The following PLCH1 variants were observed in gnomAD, a reference collection of about 807,000 sequenced individuals.
PLCH1 encodes 1-phosphatidylinositol 4,5-bisphosphate phosphodiesterase eta-1.
In PLCH1, 60 loss-of-function variants were observed where a neutral mutation model predicts 126.7. The ratio of observed to expected loss-of-function variants is 0.47; its 90% CI spans 0.38 to 0.59. The LOEUF (loss-of-function observed/expected upper bound fraction) is 0.59, where lower values mean the gene tolerates loss of function less well. Among genes scored for constraint, PLCH1 ranks in the 20% least tolerant of loss-of-function variants. PLCH1 has a pLI of 0.00. For synonymous variants in PLCH1, 719 were observed against 734.9 expected (o/e 0.98, Z 0.35); for missense variants, 1,723 against 2,040.0 (o/e 0.84, Z 2.99).
At chr3:155,511,310 G>A (rs1337168077) in intron 12 of PLCH1, among the ~76,000 whole-genome samples, 17 of 133,776 alleles carry the variant, frequency 1.3e-4, no homozygotes, top group Admixed American at 6.5e-4. Flanking sequence ...ATGTCTTCCC[G>A]TAGCTCAGAG....
chr3:155,567,248 T>C (rs544306035), intron 7 of PLCH1, among the ~76,000 whole-genome samples: 34 of 152,102 alleles, frequency 2.2e-4, no homozygotes, highest in African/African-American at 7.7e-4. Flanking sequence ...AATTTTTGTA[T>C]TTTTAGTAGA....
chr3:155,467,852 G>T (rs1712990377), intron 21 of PLCH1, among the ~76,000 whole-genome samples: 2 of 152,190 alleles, frequency 1.3e-5, no homozygotes, highest in South Asian at 4.1e-4. Flanking sequence ...AAATGTTAAA[G>T]GGAATACTTC....
chr3:155,725,873 G>T (rs1043626795), intron 1 of PLCH1, among the ~76,000 whole-genome samples: 1 of 152,122 alleles, frequency 6.6e-6, no homozygotes, highest in Non-Finnish European at 1.5e-5. Flanking sequence ...TATTTGTCTT[G>T]CCTATTCTCT....
At chr3:155,618,799 G>A (rs1388477587) in intron 2 of PLCH1, among the ~76,000 whole-genome samples, 4 of 152,062 alleles carry the variant, frequency 2.6e-5, no homozygotes. Context: ...AAGAAGTGCT[G>A]AACAATTGCT....
chr3:155,548,004 C>T (rs1391616577), intron 10 of PLCH1, among the ~76,000 whole-genome samples: 1 of 151,518 alleles, frequency 6.6e-6, no homozygotes, highest in African/African-American at 2.4e-5. Flanking sequence ...CTAACCTGCA[C>T]ATTGTGGACA....
chr3:155,674,048 G>A (rs1219740380), intron 2 of PLCH1, among the ~76,000 whole-genome samples: 1 of 152,124 alleles, frequency 6.6e-6, no homozygotes, highest in African/African-American at 2.4e-5. Context: ...CAAGAAAGTA[G>A]TATTATCTCT....
chr3:155,729,173 C>T (rs1230064582), intron 1 of PLCH1, among the ~76,000 whole-genome samples: 1 of 152,216 alleles, frequency 6.6e-6, no homozygotes, highest in Admixed American at 6.5e-5. Context: ...CTGCCAGTCT[C>T]CCCAATTCAT....
At chr3:155,714,550 G>T (rs922415745) in intron 1 of PLCH1, among the ~76,000 whole-genome samples, 5 of 152,148 alleles carry the variant, frequency 3.3e-5, no homozygotes, top group Non-Finnish European at 7.4e-5. Flanking sequence ...AAATAAAAGG[G>T]TACTTTGTTC....
rs373978197 is a variant in PLCH1 at position 155,607,938 on chromosome 3, C to T, written c.80-11560G>A. On this transcript the variant is annotated intron_variant, in intron 2 of 22. Coordinates refer to ENST00000460012, the MANE Select transcript of PLCH1 (RefSeq NM_014996.4). ...GAGTTCACAGATCCTGTGGAAGAAA[C>T]AGCTCACTCTGTAAATTCCACGAGA... is the stretch of plus-strand genomic sequence containing the variant. 3.3e-5 allele frequency among the ~76,000 whole-genome samples: 5 copies of T among 152,232 alleles called. No homozygotes were observed. The South Asian group carries it at 6.2e-4, about 19-fold the overall frequency.
At chr3:155,715,920 T>C (rs1747471193) in intron 1 of PLCH1, among the ~76,000 whole-genome samples, 1 of 152,170 alleles carries the variant, frequency 6.6e-6, no homozygotes, top group East Asian at 1.9e-4. Flanking sequence ...TTGTTTTCTT[T>C]GGGCCTATTT....
intron 10 of PLCH1, among the ~76,000 whole-genome samples, chr3:155,541,342 T>C (rs1181649812): frequency 6.6e-6 from 1 of 152,148 alleles, no homozygotes; most frequent in Non-Finnish European, 1.5e-5. Context: ...AAAAAACTTA[T>C]CCATGTAACC....
intron 8 of PLCH1, among the ~76,000 whole-genome samples, chr3:155,560,692 T>C (rs1560167063): frequency 6.6e-6 from 1 of 152,182 alleles, no homozygotes; most frequent in Non-Finnish European, 1.5e-5. Context: ...AGCAGTCTTA[T>C]CTCATTGTCC....
intron 1 of PLCH1, among the ~76,000 whole-genome samples, chr3:155,708,892 T>G (rs1215896064): frequency 6.6e-6 from 1 of 152,148 alleles, no homozygotes; most frequent in Non-Finnish European, 1.5e-5. Flanking sequence ...TATGGTACCA[T>G]ACAAAATAGT....
intron 21 of PLCH1, 29 bp from the exon 22 acceptor site, chr3:155,485,739 T>A: frequency 7.2e-7 from 1 of 1,395,390 alleles, no homozygotes; most frequent in Non-Finnish European, 9.9e-7. Flanking sequence ...CAACCACAAG[T>A]TAAGCAAATG....
intron 21 of PLCH1, among the ~76,000 whole-genome samples, chr3:155,458,323 C>G (rs1216979341): frequency 9.5e-6 from 1 of 105,482 alleles, no homozygotes; most frequent in East Asian, 3.0e-4. Flanking sequence ...GCCTGGGGAA[C>G]AGAGCAAGAC....
At chr3:155,469,492 C>A (rs1367855881) in intron 21 of PLCH1, among the ~76,000 whole-genome samples, 1 of 147,696 alleles carries the variant, frequency 6.8e-6, no homozygotes, top group South Asian at 2.1e-4. Flanking sequence ...GGCAGCGAGG[C>A]TGGGGGAGGG....
intron 2 of PLCH1, among the ~76,000 whole-genome samples, chr3:155,660,701 C>T (rs1236696576): frequency 1.3e-5 from 2 of 152,190 alleles, no homozygotes; most frequent in African/African-American, 2.4e-5. Context: ...ATATCAGTCT[C>T]TAGAGTTTTG....
At chr3:155,699,031 T>A (rs1427093290) in intron 2 of PLCH1, among the ~76,000 whole-genome samples, 1 of 151,876 alleles carries the variant, frequency 6.6e-6, no homozygotes, top group African/African-American at 2.4e-5. Flanking sequence ...TCTTTGAAAT[T>A]TTTCCCTGGT....
intron 2 of PLCH1, among the ~76,000 whole-genome samples, chr3:155,681,393 C>A (rs556005469): frequency 2.0e-5 from 3 of 152,274 alleles, no homozygotes; most frequent in African/African-American, 7.2e-5. Flanking sequence ...TTAGGTACAA[C>A]CATTTCTCTA....
Sources: gnomAD v4.1 joint callset for allele counts (sites outside exome capture counted in the v4.1 genomes callset) on GRCh38, gnomAD v4.1.1 for gene constraint, MANE v1.5 for transcripts, NCBI Gene and HGNC (gene_info 2026-07-23, HGNC 2026-07-21) for gene names.